P2RX7: variants seen among roughly 807,000 people sequenced by gnomAD.
The protein encoded by P2RX7 is P2X purinoceptor 7.
A neutral mutation model predicts 71.6 loss-of-function variants in P2RX7; 62 were observed. That is an observed-to-expected ratio of 0.87 (90% CI 0.71 to 1.07). The LOEUF is 1.07. Among genes scored for constraint, P2RX7 ranks in the 50% least tolerant of loss-of-function variants. P2RX7 has a pLI of 0.00. For missense variants in P2RX7, 686 were observed against 748.5 expected (o/e 0.92, Z 0.97); for synonymous variants, 299 against 283.3 (o/e 1.06, Z -0.56).
intron 6 of P2RX7, 53 bp from the exon 7 acceptor site, chr12:121,166,005 A>G: frequency 6.4e-7 from 1 of 1,571,024 alleles, no homozygotes; most frequent in Non-Finnish European, 8.7e-7. Context: ...AAAGAGACAG[A>G]TCTGTTTTCA....
intron 5 of P2RX7, among the ~76,000 whole-genome samples, chr12:121,164,298 C>T (rs1445451073): frequency 6.6e-6 from 1 of 152,194 alleles, no homozygotes; most frequent in Non-Finnish European, 1.5e-5. Context: ...TCCATCACCA[C>T]GTAGTAGGTG....
chr12:121,145,223 G>A (rs570468917), intron 1 of P2RX7, among the ~76,000 whole-genome samples: 13 of 152,298 alleles, frequency 8.5e-5, no homozygotes, highest in African/African-American at 2.6e-4. Flanking sequence ...GAGTAGCCAC[G>A]GCGATCCAGT....
intron 1 of P2RX7, among the ~76,000 whole-genome samples, chr12:121,143,756 G>A (rs995166691): frequency 9.2e-5 from 14 of 152,162 alleles, no homozygotes; most frequent in Non-Finnish European, 1.0e-4. Context: ...GGAGGCTGAG[G>A]CAGGAGAATC....
chr12:121,141,853 G>GAGTT (rs1874955955), intron 1 of P2RX7, among the ~76,000 whole-genome samples: 2 of 152,114 alleles, frequency 1.3e-5, no homozygotes, highest in Non-Finnish European at 1.5e-5. Context: ...TCTGTGTTAT[G>GAGTT]CGTTCCACCA....
chr12:121,152,386 G>T (rs1261057030), intron 1 of P2RX7, among the ~76,000 whole-genome samples: 1 of 151,488 alleles, frequency 6.6e-6, no homozygotes, highest in Non-Finnish European at 1.5e-5. Flanking sequence ...TGGAGTACAG[G>T]GGTGCAATCA....
At chr12:121,145,510 CTTT>C (rs200165825) in intron 1 of P2RX7, among the ~76,000 whole-genome samples, 3 of 141,928 alleles carry the variant, frequency 2.1e-5, no homozygotes. Flanking sequence ...TTCTTTCTTT[CTTT>C]TTTTTTTTTT....
intron 8 of P2RX7, 73 bp downstream of exon 8, chr12:121,167,697 G>T: frequency 1.5e-6 from 2 of 1,324,044 alleles, no homozygotes; most frequent in South Asian, 1.8e-5. Flanking sequence ...GACTAATTTT[G>T]GTTTCCAAGG....
rs1565961317 is a variant in P2RX7 at position 121,165,453 on chromosome 12, GC to G, written c.614+18del. The stretch of plus-strand genomic sequence containing the variant: ...ACTACACCACGTAAGTGCCCAGGCT[GC>G]CTGGCTGTCTTAGTTATCTACTGCT... On this transcript the variant is annotated intron_variant, in intron 6 of 12. Transcript: ENST00000328963. 1 of 1,605,492 alleles carries G rather than the reference GC, an allele frequency of 6.2e-7. No individual in the cohort carries two copies. The highest frequency in any genetic ancestry group is 2.2e-5 in the East Asian group (1 of 44,854).
intron 8 of P2RX7, among the ~76,000 whole-genome samples, chr12:121,174,096 A>G (rs565536503): frequency 7.8e-6 from 1 of 128,734 alleles, no homozygotes; most frequent in East Asian, 2.2e-4. Context: ...CACCCAGGCT[A>G]GAGCGCAGTG....
intron 1 of P2RX7, among the ~76,000 whole-genome samples, chr12:121,152,862 G>A (rs996580934): frequency 3.9e-5 from 6 of 152,272 alleles, no homozygotes; most frequent in Admixed American, 3.3e-4. Context: ...TTATCCATTC[G>A]TTGTTTGAGT....
At position 121,156,067 on chromosome 12, in the gene P2RX7, C is replaced by T. The variant is rs1173997110; in HGVS notation, c.295-12C>T. On this transcript the variant is annotated splice_polypyrimidine_tract_variant and intron_variant, in intron 2 of 12. Transcript: ENST00000328963. ...AAGGCCTTGCATTTTCTTAGCCTCTCCTTCTCCACAGGGGAACTCTTTCTT... is the reference window on the plus strand; with the variant it reads ...AAGGCCTTGCATTTTCTTAGCCTCTTCTTCTCCACAGGGGAACTCTTTCTT... 2.5e-6 allele frequency: 4 copies of T among 1,612,462 alleles called. No individual in the cohort carries two copies. The Admixed American group carries it at 6.7e-5, about 27-fold the overall frequency.
intron 1 of P2RX7, among the ~76,000 whole-genome samples, chr12:121,135,918 C>G (rs1281842913): frequency 6.8e-6 from 1 of 146,406 alleles, no homozygotes; most frequent in East Asian, 2.0e-4. Context: ...ACAGGAGAAT[C>G]ACTTGAACCC....
intron 10 of P2RX7, 38 bp from the exon 11 acceptor site, chr12:121,177,259 G>C: frequency 6.2e-7 from 1 of 1,614,132 alleles, no homozygotes; most frequent in South Asian, 1.1e-5. Context: ...TTTGGAGAAG[G>C]AAGTGACTAA....
intron 3 of P2RX7, among the ~76,000 whole-genome samples, chr12:121,158,826 C>T (rs1879086239): frequency 6.6e-6 from 1 of 152,168 alleles, no homozygotes; most frequent in South Asian, 2.1e-4. Flanking sequence ...GAAAATGTAA[C>T]TTTCCATGAG....
Position 121,180,419 on chromosome 12 carries a change from G to A in P2RX7, c.1254G>A (p.Gly418=). The A allele has an allele frequency of 6.2e-7, 1 of 1,605,414 alleles. No homozygotes were observed. Among genetic ancestry groups the A allele is most frequent in the Non-Finnish European group, 8.5e-7 (1 of 1,175,542 alleles). Residue 418 remains glycine, a synonymous_variant, in exon 12 of 13, where the codon GGG becomes GGA. Coordinates refer to ENST00000328963, the MANE Select transcript of P2RX7 (RefSeq NM_002562.6). ...HIRMVNQQLL[G]RSLQDVKGQE... is the part of the protein sequence containing the mutation. ...GGATGGTGAACCAGCAGCTACTAGG[G>A]AGAAGTCTGCAAGATGTCAAGGGCC...
Position 121,165,403 on chromosome 12 carries a change from A to C in P2RX7, c.580A>C (p.Asn194His). 1 of 1,614,076 alleles carries C rather than the reference A, an allele frequency of 6.2e-7. No homozygotes were observed. The highest frequency in any genetic ancestry group is 8.5e-7 in the Non-Finnish European group (1 of 1,179,998). ...CGAAAACTTCACTGTGCTCATCAAGAACAATATCGACTTCCCCGGCCACAA... is the reference window on the plus strand; with the variant it reads ...CGAAAACTTCACTGTGCTCATCAAGCACAATATCGACTTCCCCGGCCACAA... ...SAENFTVLIK[N>H]NIDFPGHNYT... Residue 194 changes from asparagine to histidine, a missense_variant, in exon 6 of 13, where the codon AAC becomes CAC. Coordinates refer to ENST00000328963, the MANE Select transcript of P2RX7 (RefSeq NM_002562.6).
At chr12:121,138,555 A>G (rs935259074) in intron 1 of P2RX7, among the ~76,000 whole-genome samples, 5 of 152,390 alleles carry the variant, frequency 3.3e-5, no homozygotes, top group African/African-American at 7.2e-5. Flanking sequence ...TACGTGAACC[A>G]CATCCAGTGG....
In P2RX7 at chr12:121,165,399, C is replaced by T. The variant is rs775801300; in HGVS notation, c.576C>T (p.Ile192=). The change falls in exon 6 of 13, where the codon ATC becomes ATT. Residue 192 remains isoleucine (I), a synonymous_variant. Coordinates refer to ENST00000328963, the MANE Select transcript of P2RX7 (RefSeq NM_002562.6). ...LNSAENFTVL[I]KNNIDFPGHN... ...GTGCCGAAAACTTCACTGTGCTCAT[C>T]AAGAACAATATCGACTTCCCCGGCC... 3.7e-6 allele frequency: 6 copies of T among 1,614,132 alleles called. No homozygotes were observed. The South Asian group carries it at 6.6e-5, about 18-fold the overall frequency.
chr12:121,164,584 C>T (rs1880602864), intron 5 of P2RX7, among the ~76,000 whole-genome samples: 1 of 151,964 alleles, frequency 6.6e-6, no homozygotes, highest in African/African-American at 2.4e-5. Context: ...AGTTCGATAC[C>T]AGCCTGGCAA....
Sources: gnomAD v4.1 joint callset for allele counts (sites outside exome capture counted in the v4.1 genomes callset) on GRCh38, gnomAD v4.1.1 for gene constraint, MANE v1.5 for transcripts, NCBI Gene and HGNC (gene_info 2026-07-23, HGNC 2026-07-21) for gene names.